NPEPPS: variants seen among roughly 807,000 people sequenced by gnomAD.
The protein encoded by NPEPPS is aminopeptidase puromycin sensitive, also known as puromycin-sensitive aminopeptidase.
Under a neutral mutation model 115.5 loss-of-function variants are expected in NPEPPS, and 14 were observed. That is an observed-to-expected ratio of 0.12 (90% CI 0.08 to 0.19). The LOEUF (loss-of-function observed/expected upper bound fraction) is 0.19, where lower values mean the gene tolerates loss of function less well. NPEPPS is among the 10% of genes least tolerant of loss of function. The probability of loss-of-function intolerance (pLI) is 1.00; values close to 1 mark genes in which losing one functional copy is unlikely to be tolerated. For synonymous variants in NPEPPS, 285 were observed against 390.6 expected (o/e 0.73, Z 3.19); for missense variants, 523 against 1,110.8 (o/e 0.47, Z 7.52).
At chr17:47,596,865 T>A (rs945114805) in intron 13 of NPEPPS, among the ~76,000 whole-genome samples, 2 of 152,138 alleles carry the variant, frequency 1.3e-5, no homozygotes, top group Admixed American at 6.6e-5. Flanking sequence ...CCGGCCAATG[T>A]AGTAAAACCC....
At chr17:47,571,466 C>T (rs1911185380) in intron 3 of NPEPPS, among the ~76,000 whole-genome samples, 1 of 152,162 alleles carries the variant, frequency 6.6e-6, no homozygotes, top group Non-Finnish European at 1.5e-5. Context: ...CGCCTGTAAT[C>T]CCAGCACTTT....
chr17:47,557,728 A>AT (rs1310651163), intron 2 of NPEPPS, among the ~76,000 whole-genome samples: 4 of 148,530 alleles, frequency 2.7e-5, no homozygotes, highest in Non-Finnish European at 6.0e-5. Flanking sequence ...CTTCTTTCCT[A>AT]TTTTTGTTGA....
At chr17:47,525,994 T>C (rs1037613068) in intron 1 of NPEPPS, among the ~76,000 whole-genome samples, 11 of 152,084 alleles carry the variant, frequency 7.2e-5, no homozygotes, top group East Asian at 3.8e-4. Context: ...GCAGATCACC[T>C]GAGGTCGGGA....
chr17:47,603,182 G>A (rs745319359), intron 15 of NPEPPS, among the ~76,000 whole-genome samples: 5 of 152,198 alleles, frequency 3.3e-5, no homozygotes, highest in African/African-American at 4.8e-5. Context: ...AGGCTGAGGC[G>A]CGGCGGATCA....
Position 47,618,487 on chromosome 17 carries a change from G to T in NPEPPS, c.2403+30G>T, listed in dbSNP as rs377310146. On this transcript the variant is annotated intron_variant, in intron 20 of 22. Transcript: ENST00000322157. ...GTTACGGTGAAAACTGCATTTAGAAGTGAATCGTTACCCATCTCTGAGAAG... is the reference window on the plus strand; with the variant it reads ...GTTACGGTGAAAACTGCATTTAGAATTGAATCGTTACCCATCTCTGAGAAG... 3.5e-6 allele frequency: 5 copies of T among 1,424,808 alleles called. No homozygotes were observed. In the African/African-American group the frequency reaches 7.0e-5, roughly 20 times the overall value. 88.3% of individuals were successfully genotyped at this position (1,424,808 alleles called of 1,614,324 possible). A position where few individuals can be genotyped will look rare whatever the true frequency, so the allele number is the denominator to read the frequency against.
At chr17:47,561,143 T>C (rs542788926) in intron 2 of NPEPPS, among the ~76,000 whole-genome samples, 40 of 152,304 alleles carry the variant, frequency 2.6e-4, no homozygotes, top group Admixed American at 4.6e-4. Flanking sequence ...CTTTTTTTAA[T>C]GTGGCCTCAG....
At chr17:47,616,883 G>A (rs568092379) in intron 19 of NPEPPS, among the ~76,000 whole-genome samples, 10 of 149,916 alleles carry the variant, frequency 6.7e-5, no homozygotes, top group African/African-American at 2.0e-4. Flanking sequence ...AAAAAGTGTC[G>A]AAAGGAAGAG....
chr17:47,596,590 T>A, intron 13 of NPEPPS, 128 bp downstream of exon 13: 1 of 486,336 alleles, frequency 2.1e-6, no homozygotes, highest in Non-Finnish European at 3.6e-6. Flanking sequence ...TACTCTTTTA[T>A]CAGTAATTTT....
chr17:47,619,149 A>T lies in NPEPPS; in HGVS notation c.2544A>T (p.Ile848=). 2 of 1,613,300 alleles carry T rather than the reference A, an allele frequency of 1.2e-6. No individual in the cohort carries two copies. Among genetic ancestry groups the T allele is most frequent in the Non-Finnish European group, 1.7e-6 (2 of 1,179,502 alleles). Reference sequence around the variant, plus strand: ...ACCGATACCAGGGAGGATTCTTAATATCCAGACTAATAAAGGTATGTGAAA... The same window carrying T: ...ACCGATACCAGGGAGGATTCTTAATTTCCAGACTAATAAAGGTATGTGAAA... ...LYNRYQGGFL[I]SRLIKLSVEG... is the part of the protein sequence containing the mutation. The change falls in exon 21 of 23, where the codon ATA becomes ATT. Residue 848 remains isoleucine (I), a synonymous_variant. Coordinates refer to ENST00000322157, the MANE Select transcript of NPEPPS (RefSeq NM_006310.4).
At chr17:47,559,546 G>T in intron 2 of NPEPPS, 1 of 408,626 alleles carries the variant, frequency 2.4e-6, no homozygotes, top group South Asian at 1.8e-5. Context: ...TAGTTTGCTA[G>T]TATCTAGGGG....
At chr17:47,607,936 C>T (rs1193526887) in intron 17 of NPEPPS, among the ~76,000 whole-genome samples, 1 of 152,116 alleles carries the variant, frequency 6.6e-6, no homozygotes, top group Admixed American at 6.5e-5. Context: ...CCTCGAATTC[C>T]TGGATTCAAG....
intron 3 of NPEPPS, among the ~76,000 whole-genome samples, chr17:47,571,616 G>C (rs185016284): frequency 3.3e-3 from 499 of 152,230 alleles, no homozygotes; most frequent in African/African-American, 0.012. Context: ...TACTCGGGAG[G>C]CTGAGGCAGG....
At chr17:47,592,725 G>T in intron 12 of NPEPPS, 180 bp downstream of exon 12, 1 of 547,650 alleles carries the variant, frequency 1.8e-6, no homozygotes. Flanking sequence ...AATTTGAAAT[G>T]CTCCAGAATC....
intron 17 of NPEPPS, among the ~76,000 whole-genome samples, chr17:47,606,461 CT>C (rs113101308): frequency 0.059 from 8,412 of 143,370 alleles, 392 homozygotes; most frequent in African/African-American, 0.12. Context: ...GTCTTGTCTT[CT>C]TTTTTTTTTT....
At chr17:47,543,903 A>G (rs12451767) in intron 1 of NPEPPS, among the ~76,000 whole-genome samples, 52,144 of 142,472 alleles carry the variant, frequency 0.37, 8,232 homozygotes, top group South Asian at 0.47. Context: ...TTATTTATTT[A>G]TTTATTTTTG....
chr17:47,523,469 G>T (rs1465197593), intron 1 of NPEPPS, among the ~76,000 whole-genome samples: 4 of 150,166 alleles, frequency 2.7e-5, no homozygotes, highest in African/African-American at 9.8e-5. Context: ...CACCCAGGCT[G>T]GAGTGCAATG....
intron 16 of NPEPPS, 121 bp downstream of exon 16, chr17:47,604,170 T>C: frequency 1.2e-6 from 1 of 838,448 alleles, no homozygotes; most frequent in South Asian, 2.4e-5. Flanking sequence ...AAAACACCTT[T>C]GGGACTAGAG....
chr17:47,532,680 A>T (rs1425066272), intron 1 of NPEPPS, among the ~76,000 whole-genome samples: 1 of 150,448 alleles, frequency 6.6e-6, no homozygotes. Flanking sequence ...AAAAAAAAAA[A>T]AGGAAAGAAA....
At position 47,536,388 on chromosome 17, in the gene NPEPPS, C is replaced by CTT. The variant is rs749380530; in HGVS notation, c.255+4853_255+4854dup. 7.7e-3 allele frequency among the ~76,000 whole-genome samples: 535 copies of CTT among 69,890 alleles called. 3 individuals are homozygous for CTT. Among genetic ancestry groups the CTT allele is most frequent in the African/African-American group, 0.017 (351 of 20,882 alleles). 45.9% of individuals were successfully genotyped at this position (69,890 alleles called of 152,430 possible). A position where few individuals can be genotyped will look rare whatever the true frequency, so the allele number is the denominator to read the frequency against. On this transcript the variant is annotated intron_variant, in intron 1 of 22. Transcript: ENST00000322157. ...TGCCCAAATTCTGCATATTTTCTCTCTTTTTTTTTTTTTTTTTTTTTGAGA... is the reference window on the plus strand; with the variant it reads ...TGCCCAAATTCTGCATATTTTCTCTCTTTTTTTTTTTTTTTTTTTTTTTGAGA...
Sources: gnomAD v4.1 joint callset for allele counts (sites outside exome capture counted in the v4.1 genomes callset) on GRCh38, gnomAD v4.1.1 for gene constraint, MANE v1.5 for transcripts, NCBI Gene and HGNC (gene_info 2026-07-23, HGNC 2026-07-21) for gene names.